LRRC8D: variants seen among roughly 807,000 people sequenced by gnomAD.
LRRC8D encodes leucine rich repeat containing 8 VRAC subunit D.
LRRC8D carries 20 observed loss-of-function variants against 55.8 expected under a neutral mutation model. That is an observed-to-expected ratio of 0.36 (90% CI 0.25 to 0.52). The LOEUF is 0.52. LRRC8D is among the 20% of genes least tolerant of loss of function. The probability of loss-of-function intolerance (pLI) is 0.93; values close to 1 mark genes in which losing one functional copy is unlikely to be tolerated. For missense variants in LRRC8D, 651 were observed against 1,030.8 expected (o/e 0.63, Z 5.05); for synonymous variants, 352 against 377.0 (o/e 0.93, Z 0.77).
At chr1:89,928,553 C>A (rs1557488116) in intron 2 of LRRC8D, among the ~76,000 whole-genome samples, 1 of 152,130 alleles carries the variant, frequency 6.6e-6, no homozygotes, top group Non-Finnish European at 1.5e-5. Flanking sequence ...AAGAGAGGAG[C>A]TCATCTGAGG....
intron 2 of LRRC8D, among the ~76,000 whole-genome samples, chr1:89,868,120 A>G (rs890814240): frequency 5.3e-5 from 8 of 152,248 alleles, no homozygotes; most frequent in Admixed American, 3.3e-4. Context: ...AAGATGCTCA[A>G]TTACTAGCAC....
At chr1:89,829,775 A>G (rs1660846081) in intron 1 of LRRC8D, among the ~76,000 whole-genome samples, 1 of 152,178 alleles carries the variant, frequency 6.6e-6, no homozygotes, top group Non-Finnish European at 1.5e-5. Context: ...AAACTACTTG[A>G]ATGAAAATTT....
chr1:89,891,856 T>C (rs1471523834), intron 2 of LRRC8D, among the ~76,000 whole-genome samples: 1 of 152,176 alleles, frequency 6.6e-6, no homozygotes, highest in African/African-American at 2.4e-5. Context: ...GCCTTTCCTT[T>C]CCCTTTGTTC....
intron 2 of LRRC8D, among the ~76,000 whole-genome samples, chr1:89,855,501 A>G (rs1009952278): frequency 1.3e-5 from 2 of 152,212 alleles, no homozygotes; most frequent in African/African-American, 2.4e-5. Context: ...CTTTATGCTC[A>G]TGCCGATTTG....
intron 2 of LRRC8D, among the ~76,000 whole-genome samples, chr1:89,857,589 A>G (rs984511813): frequency 2.0e-5 from 3 of 152,160 alleles, no homozygotes; most frequent in African/African-American, 4.8e-5. Context: ...TCTAAAATGT[A>G]TACCCTCTCT....
chr1:89,889,647 C>T (rs760278187), intron 2 of LRRC8D, among the ~76,000 whole-genome samples: 1 of 151,160 alleles, frequency 6.6e-6, no homozygotes, highest in African/African-American at 2.4e-5. Context: ...TTTGGGAGGC[C>T]GAGGCTGGTG....
In LRRC8D at chr1:89,879,468, T is replaced by A. The variant is rs559777182; in HGVS notation, c.-3+35686T>A. Reference sequence around the variant, plus strand: ...AAAGCTCAGATGATTCTGGTAGAGATGTTGAAATGGATAGGAAGCTGGTGA... The same window carrying A: ...AAAGCTCAGATGATTCTGGTAGAGAAGTTGAAATGGATAGGAAGCTGGTGA... On this transcript the variant is annotated intron_variant, in intron 2 of 2. Coordinates refer to ENST00000337338, the MANE Select transcript of LRRC8D (RefSeq NM_001134479.2). 4.6e-5 allele frequency among the ~76,000 whole-genome samples: 7 copies of A among 152,332 alleles called. No homozygotes were observed. The South Asian group carries it at 1.5e-3, about 32-fold the overall frequency.
chr1:89,903,181 A>G (rs941620158), intron 2 of LRRC8D, among the ~76,000 whole-genome samples: 1 of 141,744 alleles, frequency 7.1e-6, no homozygotes. Flanking sequence ...TCTTCTCTTC[A>G]TCATTGCACT....
At chr1:89,856,707 G>A (rs6664658) in intron 2 of LRRC8D, among the ~76,000 whole-genome samples, 151,354 of 152,328 alleles carry the variant, frequency 0.99, 75,193 homozygotes, top group Middle Eastern at 1. Context: ...TCTTGTAGAC[G>A]GTATATATTT....
intron 1 of LRRC8D, among the ~76,000 whole-genome samples, chr1:89,835,595 A>C (rs1484253051): frequency 6.6e-6 from 1 of 152,220 alleles, no homozygotes; most frequent in African/African-American, 2.4e-5. Flanking sequence ...CCTGTCTTCA[A>C]TGACAATCTC....
chr1:89,850,468 T>G (rs904034616), intron 2 of LRRC8D, among the ~76,000 whole-genome samples: 1 of 152,210 alleles, frequency 6.6e-6, no homozygotes, highest in South Asian at 2.1e-4. Context: ...TTTTCCTCTA[T>G]GTGTCCATGT....
intron 1 of LRRC8D, among the ~76,000 whole-genome samples, chr1:89,828,957 C>T (rs149097531): frequency 6.1e-4 from 93 of 152,162 alleles, no homozygotes; most frequent in African/African-American, 2.0e-3. Flanking sequence ...GGTCATTGGC[C>T]GCCAGAAAGC....
chr1:89,831,674 C>T (rs1394408522), intron 1 of LRRC8D, among the ~76,000 whole-genome samples: 1 of 151,964 alleles, frequency 6.6e-6, no homozygotes, highest in African/African-American at 2.4e-5. Context: ...TTTTGCAATT[C>T]CTAGTGTATC....
intron 2 of LRRC8D, among the ~76,000 whole-genome samples, chr1:89,926,835 T>C (rs1054554178): frequency 6.6e-6 from 1 of 152,256 alleles, no homozygotes; most frequent in African/African-American, 2.4e-5. Context: ...GAAGAACATG[T>C]GCTTTGGCCT....
rs151089023 is a variant in LRRC8D, at chr1:89,847,457, C to T, written c.-3+3675C>T. Among the ~76,000 whole-genome samples, 1,025 of 152,136 alleles carry T rather than the reference C, an allele frequency of 6.7e-3. 7 individuals are homozygous for T. Among genetic ancestry groups the T allele is most frequent in the African/African-American group, 0.024 (984 of 41,486 alleles). ...TGGTTCCTTAATACGCAGTGCACTG[C>T]CTTTTCTGTCTGTCGGTGAGTTGCA... On this transcript the variant is annotated intron_variant, in intron 2 of 2. Transcript: ENST00000337338.
intron 2 of LRRC8D, among the ~76,000 whole-genome samples, chr1:89,893,058 TAGAC>T (rs762397235): frequency 1.3e-5 from 2 of 152,146 alleles, no homozygotes; most frequent in African/African-American, 2.4e-5. Flanking sequence ...GTGAACAAAA[TAGAC>T]AGGATCTCAG....
Position 89,933,168 on chromosome 1 carries a change from G to A in LRRC8D, c.100G>A (p.Val34Ile). Residue 34 changes from valine to isoleucine, a missense_variant, in exon 3 of 3, where the codon GTT (valine) becomes ATT (isoleucine). Physicochemically the swap from Val to Ile is conservative, Grantham distance 29. Around this residue, in one of 5 missense-constraint regions of LRRC8D, gnomAD observed 118 missense variants for 138.0 expected, o/e 0.85. Transcript: ENST00000337338. The surrounding 1 kb of genome is among the most constrained non-coding windows in gnomAD (Gnocchi z 7.0). ...TGTGTTTATGGATTACCTAGCTGTTGTTATGTTAATGGTAGCCATCTTTGC... is the reference window on the plus strand; with the variant it reads ...TGTGTTTATGGATTACCTAGCTGTTATTATGTTAATGGTAGCCATCTTTGC... ...WDVFMDYLAV[V>I]MLMVAIFAGT... 2 of 1,614,182 alleles carry A rather than the reference G, an allele frequency of 1.2e-6. No homozygotes were observed. The highest frequency in any genetic ancestry group is 2.2e-5 in the South Asian group (2 of 91,082).
chr1:89,833,944 C>T (rs899339099), intron 1 of LRRC8D, among the ~76,000 whole-genome samples: 1 of 152,118 alleles, frequency 6.6e-6, no homozygotes, highest in Admixed American at 6.5e-5. Flanking sequence ...TTCCAGTTTG[C>T]CTACAAAGTG....
chr1:89,935,676 G>T lies in LRRC8D; in HGVS notation c.*31G>T. On this transcript the variant is annotated 3_prime_UTR_variant, in exon 3 of 3. Coordinates refer to ENST00000337338, the MANE Select transcript of LRRC8D (RefSeq NM_001134479.2). ...GATAATATATGCACAGTGATGTGCAGGAACAACTTCCTAGATTGCAAGTGC... is the reference window on the plus strand; with the variant it reads ...GATAATATATGCACAGTGATGTGCATGAACAACTTCCTAGATTGCAAGTGC... 2 of 1,571,558 alleles carry T rather than the reference G, an allele frequency of 1.3e-6. No individual in the cohort carries two copies. The highest frequency in any genetic ancestry group is 1.7e-6 in the Non-Finnish European group (2 of 1,146,916).
Sources: allele counts gnomAD v4.1 joint callset (sites outside exome capture counted in the v4.1 genomes callset), GRCh38; gene constraint gnomAD v4.1.1; regional missense constraint gnomAD v4.1.1; non-coding constraint Gnocchi (gnomAD v3.1); transcripts MANE v1.5; gene names NCBI Gene and HGNC (gene_info 2026-07-23, HGNC 2026-07-21).